The following GTPBP3 variants were observed in gnomAD, a reference collection of about 807,000 sequenced individuals.
The protein encoded by GTPBP3 is GTP binding protein 3, mitochondrial, also known as 5-taurinomethyluridine-[tRNA] synthase subunit GTPB3, mitochondrial.
Under a neutral mutation model 42.0 loss-of-function variants are expected in GTPBP3, and 35 were observed. The ratio of observed to expected loss-of-function variants is 0.83; its 90% confidence interval spans 0.64 to 1.10. GTPBP3 has a LOEUF of 1.10. GTPBP3 is among the 50% of genes least tolerant of loss of function. The pLI is 0.00. For missense variants in GTPBP3, 691 were observed against 685.2 expected (o/e 1.01, Z -0.09); for synonymous variants, 332 against 314.9 (o/e 1.05, Z -0.58).
rs780004608 is a variant in GTPBP3 at position 17,341,523 on chromosome 19, G to C, written c.1299G>C (p.Arg433Ser). ...STDPPLLTRA[R>S]HQHHLQGCLD... ...ATCCCCCGCTGCTGACCCGAGCAAG[G>C]CACCAGCACCACCTCCAGGGTTGCC... Residue 433 changes from arginine to serine, a missense_variant, in exon 9 of 9, where the codon AGG becomes AGC. Transcript: ENST00000324894. 6.2e-7 allele frequency: 1 copy of C among 1,613,608 alleles called. No homozygotes were observed. Among genetic ancestry groups the C allele is most frequent in the Non-Finnish European group, 8.5e-7 (1 of 1,179,872 alleles).
Position 17,341,118 on chromosome 19 carries a change from T to G in GTPBP3, c.1049T>G (p.Leu350Arg). Residue 350 changes from leucine to arginine, a missense_variant, in exon 8 of 9, where the codon CTG becomes CGG. Coordinates refer to ENST00000324894, the MANE Select transcript of GTPBP3 (RefSeq NM_032620.4). ...GCCTCTCCCTCCAGTTGCAACTTCCTGGCCACCGTCGTAGCCTCTGTGGGA... is the reference window on the plus strand; with the variant it reads ...GCCTCTCCCTCCAGTTGCAACTTCCGGGCCACCGTCGTAGCCTCTGTGGGA... ...DLASPSSCNF[L>R]ATVVASVGAQ... 1 of 1,613,876 alleles carries G rather than the reference T, an allele frequency of 6.2e-7. No homozygotes were observed. The highest frequency in any genetic ancestry group is 8.5e-7 in the Non-Finnish European group (1 of 1,180,020).
At chr19:17,340,317 G>A (rs1406404401) in intron 7 of GTPBP3, among the ~76,000 whole-genome samples, 1 of 152,098 alleles carries the variant, frequency 6.6e-6, no homozygotes, top group African/African-American at 2.4e-5. Flanking sequence ...GATTACAGGC[G>A]TTAGCCACTG....
Position 17,339,473 on chromosome 19 carries a change from C to A in GTPBP3, c.848C>A (p.Thr283Asn). Residue 283 changes from threonine to asparagine, a missense_variant, in exon 7 of 9, where the codon ACC (threonine) becomes AAC (asparagine). Physicochemically the swap from Thr to Asn is moderately conservative, Grantham distance 65. Transcript: ENST00000324894. ...TCCATCGTGTCCCCGGAGCCAGGGA[C>A]CACCCGTGACGTGCTGGAGACCCCA... ...PVSIVSPEPGTTRDVLETPVD... is the reference protein window; with the variant it reads ...PVSIVSPEPGNTRDVLETPVD... 6.2e-7 allele frequency: 1 copy of A among 1,613,948 alleles called. No homozygotes were observed. Among genetic ancestry groups the A allele is most frequent in the Non-Finnish European group, 8.5e-7 (1 of 1,179,982 alleles).
Position 17,338,468 on chromosome 19 carries a change from G to T in GTPBP3, c.388+17G>T, listed in dbSNP as rs1054884170. The T allele has an allele frequency of 1.9e-6, 3 of 1,613,846 alleles. No homozygotes were observed. The highest frequency in any genetic ancestry group is 1.7e-6 in the Non-Finnish European group (2 of 1,179,876). On this transcript the variant is annotated intron_variant, in intron 3 of 8. Coordinates refer to ENST00000324894, the MANE Select transcript of GTPBP3 (RefSeq NM_032620.4). Reference sequence around the variant, plus strand: ...AGGCCTTGGGTGAGTTGCAGCGTTGGGTGAGATGCTTGGTCCTCCCAATGG... The same window carrying T: ...AGGCCTTGGGTGAGTTGCAGCGTTGTGTGAGATGCTTGGTCCTCCCAATGG...
rs763466746 is a variant in GTPBP3, at chr19:17,339,279, C to T, written c.808+13C>T. On this transcript the variant is annotated intron_variant, in intron 6 of 8. Coordinates refer to ENST00000324894, the MANE Select transcript of GTPBP3 (RefSeq NM_032620.4). ...GTGAACCTGCTCAGTGAGTAGGCGG[C>T]GGGAAGGGGGCGGGGCCTAGTGCCA... 52 of 1,576,698 alleles carry T rather than the reference C, an allele frequency of 3.3e-5. No individual in the cohort carries two copies. Among genetic ancestry groups the T allele is most frequent in the South Asian group, 1.6e-4 (14 of 88,734 alleles).
At chr19:17,339,304 AG>A (rs777862926) in intron 6 of GTPBP3, 38 bp downstream of exon 6, 1 of 1,369,992 alleles carries the variant, frequency 7.3e-7, no homozygotes, top group Admixed American at 1.8e-5. Context: ...GCCTAGTGCC[AG>A]GGGCGGGGCC....
rs777905189 is a variant in GTPBP3 at position 17,338,465 on chromosome 19, T to G, written c.388+14T>G. On this transcript the variant is annotated intron_variant, in intron 3 of 8. Transcript: ENST00000324894. ...TGCAGGCCTTGGGTGAGTTGCAGCG[T>G]TGGGTGAGATGCTTGGTCCTCCCAA... The G allele has an allele frequency of 8.1e-6, 13 of 1,613,652 alleles. No homozygotes were observed. The highest frequency in any genetic ancestry group is 1.3e-5 in the African/African-American group (1 of 74,900).
In GTPBP3 at chr19:17,341,821, T is replaced by C; in HGVS notation, c.*118T>C. Reference sequence around the variant, plus strand: ...CCTGGGAAAGAACTTGATTCTCAAATAGTGAAGCAACACAGCTGAGAGGTA... The same window carrying C: ...CCTGGGAAAGAACTTGATTCTCAAACAGTGAAGCAACACAGCTGAGAGGTA... On this transcript the variant is annotated 3_prime_UTR_variant, in exon 9 of 9. Coordinates refer to ENST00000324894, the MANE Select transcript of GTPBP3 (RefSeq NM_032620.4). 5.7e-6 allele frequency: 5 copies of C among 877,886 alleles called. No individual in the cohort carries two copies. In the South Asian group the frequency reaches 9.1e-5, roughly 16 times the overall value. 54.4% of individuals were successfully genotyped at this position (877,886 alleles called of 1,614,324 possible). A position where few individuals can be genotyped will look rare whatever the true frequency, so the allele number is the denominator to read the frequency against.
At chr19:17,335,127 G>C (rs1421492612), upstream of GTPBP3, 1 of 1,535,668 alleles carries the variant, frequency 6.5e-7, no homozygotes, top group Admixed American at 2.0e-5. Flanking sequence ...ATGGGCGTAA[G>C]TTGACTAAGG....
chr19:17,335,200 C>T (rs956261825), upstream of GTPBP3: 25 of 1,521,844 alleles, frequency 1.6e-5, no homozygotes, highest in Middle Eastern at 1.7e-4. Context: ...TCAACCACCC[C>T]AGTAGGGCTG....
rs570927176 is a variant in GTPBP3, at chr19:17,340,452, G to T, written c.975-592G>T. On this transcript the variant is annotated intron_variant, in intron 7 of 8. Transcript: ENST00000324894. Reference sequence around the variant, plus strand: ...GCCCTCTCGTGCTCTGTCCCGCCCTGGCACTCCGCTCTGCCCCTTGCGGTC... The same window carrying T: ...GCCCTCTCGTGCTCTGTCCCGCCCTTGCACTCCGCTCTGCCCCTTGCGGTC... Among the ~76,000 whole-genome samples, 149 of 141,108 alleles carry T rather than the reference G, an allele frequency of 1.1e-3. 1 individual carries two copies. Among genetic ancestry groups the T allele is most frequent in the Admixed American group, 1.8e-3 (26 of 14,086 alleles). The allele number at this position is 141,108 out of a possible 152,430, so 92.6% of individuals were successfully genotyped here. A position where few individuals can be genotyped will look rare whatever the true frequency, so the allele number is the denominator to read the frequency against.
upstream of GTPBP3, among the ~76,000 whole-genome samples, chr19:17,336,235 CAAAA>C (rs1196472362): frequency 5.7e-4 from 9 of 15,800 alleles, no homozygotes; most frequent in African/African-American, 2.4e-3. Flanking sequence ...GACCCCGTCT[CAAAA>C]AAAAAAAAAA....
rs748859450 is a variant in GTPBP3, at chr19:17,338,724, G to A, written c.574G>A (p.Ala192Thr). The A allele has an allele frequency of 6.2e-7, 1 of 1,610,142 alleles. No individual in the cohort carries two copies. The highest frequency in any genetic ancestry group is 8.5e-7 in the Non-Finnish European group (1 of 1,177,328). Residue 192 changes from alanine to threonine, a missense_variant, in exon 4 of 9, where the codon GCC (alanine) becomes ACC (threonine). Physicochemically the swap from Ala to Thr is moderately conservative, Grantham distance 58 (BLOSUM62 0). Coordinates refer to ENST00000324894, the MANE Select transcript of GTPBP3 (RefSeq NM_032620.4). The part of the protein sequence containing the change: ...GELGHLCRGW[A>T]ETLTKALAHV... ...GCTGGGCCACCTCTGCCGTGGCTGG[G>A]CCGAGACCCTCACCAAAGCAAGTCC...
chr19:17,339,152 G>A lies in GTPBP3; in HGVS notation c.694G>A (p.Ala232Thr). Residue 232 changes from alanine to threonine, a missense_variant, in exon 6 of 9, where the codon GCC becomes ACC. By Grantham distance (58) the Ala-to-Thr change is moderately conservative. Transcript: ENST00000324894. ...ADIEVRALQV[A>T]LGAHLRDARR... Reference sequence around the variant, plus strand: ...CATCGAAGTACGGGCACTGCAGGTGGCCCTGGGTGCACATCTACGAGATGC... The same window carrying A: ...CATCGAAGTACGGGCACTGCAGGTGACCCTGGGTGCACATCTACGAGATGC... 1 of 1,613,984 alleles carries A rather than the reference G, an allele frequency of 6.2e-7. No homozygotes were observed. The highest frequency in any genetic ancestry group is 8.5e-7 in the Non-Finnish European group (1 of 1,180,044).
rs772262372 is a variant in GTPBP3, at chr19:17,338,168, C to A, written c.214C>A (p.Pro72Thr). The stretch of plus-strand genomic sequence containing the variant: ...AATTCTCACAGCACCCCGAGACCTG[C>A]CCCTTGCTCGCCACGCCAGCCTGCG... Reference protein sequence around the residue: ...LRILTAPRDLPLARHASLRLL... With the variant: ...LRILTAPRDLTLARHASLRLL... The change falls in exon 2 of 9, where the codon CCC (proline) becomes ACC (threonine). Residue 72 changes from proline (P) to threonine (T), a missense_variant. Transcript: ENST00000324894. The A allele has an allele frequency of 1.4e-5, 22 of 1,593,390 alleles. No homozygotes were observed. In the South Asian group the frequency reaches 2.3e-4, roughly 17 times the overall value.
At position 17,339,268 on chromosome 19, in the gene GTPBP3, T is replaced by A. The variant is rs1450539480; in HGVS notation, c.808+2T>A. ...AGAGCAGCCTAGTGAACCTGCTCAG[T>A]GAGTAGGCGGCGGGAAGGGGGCGGG... is the stretch of plus-strand genomic sequence containing the variant. On this transcript the variant is annotated splice_donor_variant, in intron 6 of 8. Transcript: ENST00000324894. LOFTEE classifies it high-confidence loss of function. 1 of 1,597,562 alleles carries A rather than the reference T, an allele frequency of 6.3e-7. No individual in the cohort carries two copies. The highest frequency in any genetic ancestry group is 8.5e-7 in the Non-Finnish European group (1 of 1,172,246).
chr19:17,338,933 C>G (rs369146685), intron 4 of GTPBP3, 21 bp from the exon 5 acceptor site: 80 of 1,578,358 alleles, frequency 5.1e-5, no homozygotes, highest in Non-Finnish European at 6.8e-5. Flanking sequence ...CACACCACCT[C>G]TGCTCTCCCT....
rs1437542890 is a variant in GTPBP3 at position 17,338,662 on chromosome 19, C to T, written c.512C>T (p.Ala171Val). ...GACCTTATCCACGCGGAAACAGAGG[C>T]GCAGCGGCGGCAGGCCCTCAGGCAG... is the stretch of plus-strand genomic sequence containing the variant. ...LADLIHAETE[A>V]QRRQALRQLD... Residue 171 changes from alanine (A) to valine (V), a missense_variant, in exon 4 of 9, where the codon GCG (alanine) becomes GTG (valine). Coordinates refer to ENST00000324894, the MANE Select transcript of GTPBP3 (RefSeq NM_032620.4). 4 of 1,613,786 alleles carry T rather than the reference C, an allele frequency of 2.5e-6. No individual in the cohort carries two copies. The highest frequency in any genetic ancestry group is 1.3e-5 in the African/African-American group (1 of 75,054).
chr19:17,341,332 C>T lies in GTPBP3; in HGVS notation c.1253+10C>T. 2.5e-6 allele frequency: 4 copies of T among 1,579,400 alleles called. No individual in the cohort carries two copies. The highest frequency in any genetic ancestry group is 3.4e-6 in the Non-Finnish European group (4 of 1,164,148). ...AGGAGCTAGCTGCAGTGTGAGCCCC[C>T]TCCCACTCCCAGCCTCCCCTGACCC... On this transcript the variant is annotated intron_variant, in intron 8 of 8. Coordinates refer to ENST00000324894, the MANE Select transcript of GTPBP3 (RefSeq NM_032620.4).
Sources: allele counts gnomAD v4.1 joint callset (sites outside exome capture counted in the v4.1 genomes callset), GRCh38; gene constraint gnomAD v4.1.1; transcripts MANE v1.5; gene names NCBI Gene and HGNC (gene_info 2026-07-23, HGNC 2026-07-21).